Variants in FOXP1 observed in about 807,000 individuals in gnomAD.
The protein encoded by FOXP1 is forkhead box protein P1.
In FOXP1, 15 loss-of-function variants were observed where a neutral mutation model predicts 98.2. The ratio of observed to expected loss-of-function variants is 0.15; its 90% CI spans 0.10 to 0.24. FOXP1 has a LOEUF of 0.24. FOXP1 is among the 10% of genes least tolerant of loss of function. FOXP1 has a pLI of 1.00. For missense variants in FOXP1, 633 were observed against 848.5 expected, an observed-to-expected ratio of 0.75 and a Z score of 3.15; for synonymous variants, 371 against 314.5, an observed-to-expected ratio of 1.18 and a Z score of -1.90.
At chr3:71,374,136 T>G (rs923941662) in intron 3 of FOXP1, among the ~76,000 whole-genome samples, 9 of 152,194 alleles carry the variant, frequency 5.9e-5, no homozygotes, top group Non-Finnish European at 1.0e-4. Flanking sequence ...ATGGAATGAA[T>G]GAATCTCCCT....
chr3:71,562,131 G>A (rs1243511207), intron 2 of FOXP1, among the ~76,000 whole-genome samples: 2 of 152,156 alleles, frequency 1.3e-5, no homozygotes, highest in East Asian at 3.9e-4. Flanking sequence ...TCAAGAAATG[G>A]AGGGATATGA....
At chr3:71,092,770 G>A (rs369842254) in intron 7 of FOXP1, among the ~76,000 whole-genome samples, 12 of 151,974 alleles carry the variant, frequency 7.9e-5, no homozygotes, top group East Asian at 3.9e-4. Context: ...CTCCCACAGA[G>A]AAAATGGAGG....
At chr3:70,983,451 G>C (rs1422897962) in intron 14 of FOXP1, among the ~76,000 whole-genome samples, 1 of 152,012 alleles carries the variant, frequency 6.6e-6, no homozygotes, top group Non-Finnish European at 1.5e-5. Context: ...TTTTCGGGGG[G>C]GCACTTTGTT....
chr3:71,269,894 G>C (rs1328323983), intron 5 of FOXP1, among the ~76,000 whole-genome samples: 1 of 152,118 alleles, frequency 6.6e-6, no homozygotes, highest in African/African-American at 2.4e-5. Flanking sequence ...AAGAGATTAA[G>C]GTAAAGATAA....
At chr3:70,959,447 G>T in intron 20 of FOXP1, 56 bp from the exon 21 acceptor site, 1 of 1,608,056 alleles carries the variant, frequency 6.2e-7, no homozygotes, top group Non-Finnish European at 8.5e-7. Flanking sequence ...TTGCAGCTCA[G>T]GTGCACTGAA....
At chr3:71,064,766 C>T in intron 7 of FOXP1, 27 of 983,180 alleles carry the variant, frequency 2.7e-5, no homozygotes, top group Non-Finnish European at 3.0e-5. Flanking sequence ...AGGAAGCGGG[C>T]GCCGCGGAGC....
intron 6 of FOXP1, among the ~76,000 whole-genome samples, chr3:71,119,559 T>C (rs2058610676): frequency 6.6e-6 from 1 of 152,204 alleles, no homozygotes; most frequent in Non-Finnish European, 1.5e-5. Flanking sequence ...AGTCGTGTTC[T>C]CTCCTCTGTT....
intron 12 of FOXP1, among the ~76,000 whole-genome samples, chr3:71,010,698 A>G (rs932174798): frequency 2.6e-5 from 4 of 152,140 alleles, no homozygotes; most frequent in African/African-American, 9.7e-5. Flanking sequence ...TAAAAAAGAA[A>G]GGGACAACTG....
At chr3:71,251,711 T>C (rs2068202927) in intron 5 of FOXP1, among the ~76,000 whole-genome samples, 1 of 152,204 alleles carries the variant, frequency 6.6e-6, no homozygotes, top group Non-Finnish European at 1.5e-5. Flanking sequence ...ACAAAGTGCG[T>C]TGGAGTTACC....
chr3:71,112,637 C>T lies in FOXP1; in HGVS notation c.181G>A (p.Ala61Thr). Reference protein sequence around the residue: ...LAHAQQQQQQALQVARQLLLQ... With the variant: ...LAHAQQQQQQTLQVARQLLLQ... ...AGGAGCTGTCTTGCCACCTGAAGTG[C>T]CTGGAAGGAAAAACAAGAAAATCCT... Residue 61 changes from alanine (A) to threonine (T), a missense_variant and splice_region_variant, in exon 7 of 21, where the codon GCA becomes ACA. Ala to Thr is a moderately conservative substitution (Grantham distance 58, BLOSUM62 0). Around this residue, in one of 6 missense-constraint regions of FOXP1, gnomAD observed 103 missense variants for 85.5 expected, o/e 1.20. Transcript: ENST00000649528. 2 of 1,612,836 alleles carry T rather than the reference C, an allele frequency of 1.2e-6. No homozygotes were observed. Among genetic ancestry groups the T allele is most frequent in the Non-Finnish European group, 1.7e-6 (2 of 1,178,894 alleles).
At chr3:71,488,030 A>C (rs2090789797) in intron 3 of FOXP1, among the ~76,000 whole-genome samples, 3 of 152,242 alleles carry the variant, frequency 2.0e-5, no homozygotes, top group African/African-American at 4.8e-5. Context: ...AAAGGACAGA[A>C]AGGGTTCTTT....
intron 6 of FOXP1, among the ~76,000 whole-genome samples, chr3:71,163,346 G>A (rs2061237405): frequency 6.6e-6 from 1 of 152,078 alleles, no homozygotes; most frequent in African/African-American, 2.4e-5. Context: ...TTAGAGAGCG[G>A]GATTTTATTG....
chr3:71,369,320 G>A (rs2079130495), intron 3 of FOXP1, among the ~76,000 whole-genome samples: 3 of 152,168 alleles, frequency 2.0e-5, no homozygotes, highest in South Asian at 2.1e-4. Flanking sequence ...AATCTGGGAT[G>A]CGGAGGCTGC....
In FOXP1 at chr3:71,418,227, G is replaced by A. The variant is rs180855363; in HGVS notation, c.-167-58983C>T. On this transcript the variant is annotated intron_variant, in intron 3 of 20. Coordinates refer to ENST00000649528, the MANE Select transcript of FOXP1 (RefSeq NM_001349338.3). The stretch of plus-strand genomic sequence containing the variant: ...AAGAATGTAGACAGAATCACACTTC[G>A]GTGTCTCTAATGACAAAATCTGTCT... 3.6e-4 allele frequency among the ~76,000 whole-genome samples: 55 copies of A among 151,644 alleles called. 1 individual carries two copies. Among genetic ancestry groups the A allele is most frequent in the African/African-American group, 1.2e-3 (49 of 41,318 alleles).
chr3:71,047,492 C>T (rs959281857), intron 9 of FOXP1, among the ~76,000 whole-genome samples: 1 of 152,188 alleles, frequency 6.6e-6, no homozygotes, highest in African/African-American at 2.4e-5. Context: ...AACAAGTTGC[C>T]TCCCTCCCTG....
intron 7 of FOXP1, among the ~76,000 whole-genome samples, chr3:71,085,604 C>T (rs1357162327): frequency 6.6e-6 from 1 of 152,042 alleles, no homozygotes; most frequent in East Asian, 1.9e-4. Context: ...TCATCAACAA[C>T]AATCCAGTGA....
chr3:71,024,990 C>T (rs76847473), intron 11 of FOXP1, among the ~76,000 whole-genome samples: 75 of 152,230 alleles, frequency 4.9e-4, no homozygotes, highest in African/African-American at 1.7e-3. Context: ...CATGGTATAC[C>T]CTCACTTCCA....
chr3:71,107,478 T>C (rs568879055), intron 7 of FOXP1, among the ~76,000 whole-genome samples: 3 of 152,294 alleles, frequency 2.0e-5, no homozygotes, highest in Non-Finnish European at 4.4e-5. Context: ...TCGAGACTTA[T>C]TTTTAGGGTT....
chr3:71,389,238 C>CGTG (rs2080838680), intron 3 of FOXP1, among the ~76,000 whole-genome samples: 1 of 3,566 alleles, frequency 2.8e-4, no homozygotes, highest in African/African-American at 1.8e-3. Flanking sequence ...CTGTAAGCGG[C>CGTG]GGGGGGGGGG....
Sources: allele counts gnomAD v4.1 joint callset (sites outside exome capture counted in the v4.1 genomes callset), GRCh38; gene constraint gnomAD v4.1.1; regional missense constraint gnomAD v4.1.1; transcripts MANE v1.5; gene names NCBI Gene and HGNC (gene_info 2026-07-23, HGNC 2026-07-21).